The following CALCR variants were observed in gnomAD, a reference collection of about 807,000 sequenced individuals.
CALCR encodes calcitonin receptor.
CALCR carries 47 observed loss-of-function variants against 59.5 expected under a neutral mutation model. The observed-to-expected ratio is 0.79, with a 90% CI of 0.63 to 1.01. CALCR has a LOEUF of 1.01. CALCR is among the 50% of genes least tolerant of loss of function. CALCR has a pLI of 0.00. For missense variants in CALCR, 566 were observed against 597.1 expected (o/e 0.95, Z 0.54); for synonymous variants, 213 against 211.3 (o/e 1.01, Z -0.07).
chr7:93,564,258 G>T (rs751472053), intron 2 of CALCR, among the ~76,000 whole-genome samples: 2 of 152,082 alleles, frequency 1.3e-5, no homozygotes, highest in African/African-American at 2.4e-5. Context: ...TGTGGGGGGG[G>T]ACAGAGTGCT....
At chr7:93,565,775 AAC>A (rs1385025087) in intron 2 of CALCR, among the ~76,000 whole-genome samples, 1 of 152,202 alleles carries the variant, frequency 6.6e-6, no homozygotes, top group Non-Finnish European at 1.5e-5. Context: ...CTGTGCCATG[AAC>A]TTCTGTGAAT....
chr7:93,508,962 C>T (rs956551642), intron 2 of CALCR, among the ~76,000 whole-genome samples: 2 of 152,204 alleles, frequency 1.3e-5, no homozygotes, highest in Admixed American at 6.5e-5. Context: ...TTTCTCTTTC[C>T]TACTCCCGCA....
intron 2 of CALCR, among the ~76,000 whole-genome samples, chr7:93,504,541 G>A (rs7789653): frequency 0.13 from 19,137 of 151,926 alleles, 2,599 homozygotes; most frequent in African/African-American, 0.33. Flanking sequence ...GCCATCTTGG[G>A]AAGACATTCA....
chr7:93,443,710 G>T lies in CALCR; in HGVS notation c.696C>A (p.Cys232Ter). The T allele has an allele frequency of 6.2e-7, 1 of 1,612,822 alleles. No individual in the cohort carries two copies. The highest frequency in any genetic ancestry group is 8.5e-7 in the Non-Finnish European group (1 of 1,178,976). Residue 232 changes from cysteine (C) to a stop codon, truncating the protein, a stop_gained, in exon 9 of 14, where the codon TGC becomes TGA. Coordinates refer to ENST00000426151, the MANE Select transcript of CALCR (RefSeq NM_001742.4). LOFTEE classifies it high-confidence loss of function. ...CTTCACAGAGCATCCAGAAATAGTT[G>T]CAGGCCATCATGTACTGGTGGAAAA... Reference protein sequence around the residue: ...LHFFHQYMMACNYFWMLCEGI... With the variant: ...LHFFHQYMMA
At chr7:93,453,529 G>T (rs1026926050) in intron 8 of CALCR, among the ~76,000 whole-genome samples, 3 of 151,992 alleles carry the variant, frequency 2.0e-5, no homozygotes, top group African/African-American at 7.2e-5. Flanking sequence ...AACGGAGTGT[G>T]CAAACCTCTA....
intron 12 of CALCR, among the ~76,000 whole-genome samples, chr7:93,434,702 C>T (rs1411989630): frequency 6.6e-6 from 1 of 152,016 alleles, no homozygotes; most frequent in Non-Finnish European, 1.5e-5. Context: ...GGGTCTGTGT[C>T]CTATGTTGTC....
At position 93,468,752 on chromosome 7, in the gene CALCR, T is replaced by C. The variant is rs1413445329; in HGVS notation, c.484A>G (p.Thr162Ala). The change falls in exon 7 of 14, where the codon ACC becomes GCC. Residue 162 changes from threonine to alanine, a missense_variant. Transcript: ENST00000426151. ...AIVGHSLSIF[T>A]LVISLGIFVF... ...AAAATCCCCAGGGAAATCACTAGGG[T>C]GAAAATTGACAAAGAATGACCCACA... 1 of 1,610,560 alleles carries C rather than the reference T, an allele frequency of 6.2e-7. No individual in the cohort carries two copies. The highest frequency in any genetic ancestry group is 8.5e-7 in the Non-Finnish European group (1 of 1,178,100).
chr7:93,460,388 T>C (rs1000228740), intron 8 of CALCR, among the ~76,000 whole-genome samples: 1 of 151,098 alleles, frequency 6.6e-6, no homozygotes, highest in Non-Finnish European at 1.5e-5. Context: ...ACCCCGTTTC[T>C]ACTAAAAATA....
chr7:93,557,315 T>C (rs1421941315), intron 2 of CALCR, among the ~76,000 whole-genome samples: 1 of 151,762 alleles, frequency 6.6e-6, no homozygotes, highest in Non-Finnish European at 1.5e-5. Context: ...ATATTTATGG[T>C]ATGCAACTTT....
At chr7:93,515,175 T>G (rs370982713) in intron 2 of CALCR, among the ~76,000 whole-genome samples, 2 of 152,186 alleles carry the variant, frequency 1.3e-5, no homozygotes, top group African/African-American at 4.8e-5. Flanking sequence ...AATCACTTTC[T>G]TTCAAGCCTT....
At chr7:93,519,390 TTAG>T (rs991556663) in intron 2 of CALCR, among the ~76,000 whole-genome samples, 3 of 152,056 alleles carry the variant, frequency 2.0e-5, no homozygotes, top group African/African-American at 7.2e-5. Context: ...CTCTCATTTA[TTAG>T]TAGGGTGACC....
intron 9 of CALCR, among the ~76,000 whole-genome samples, chr7:93,438,641 G>T (rs938983908): frequency 6.6e-6 from 1 of 152,190 alleles, no homozygotes; most frequent in African/African-American, 2.4e-5. Context: ...GAGAGGAGCT[G>T]GGTCACCCCG....
At chr7:93,460,977 C>T in intron 7 of CALCR, 30 bp from the exon 8 acceptor site, 1 of 1,573,516 alleles carries the variant, frequency 6.4e-7, no homozygotes, top group East Asian at 2.3e-5. Context: ...AAAGCATTAA[C>T]CAGTGCCAAA....
At chr7:93,480,874 T>C (rs1800780409) in intron 3 of CALCR, among the ~76,000 whole-genome samples, 1 of 151,750 alleles carries the variant, frequency 6.6e-6, no homozygotes, top group South Asian at 2.1e-4. Flanking sequence ...AGTCTGGAGG[T>C]TGGAAATGAC....
chr7:93,453,196 A>G (rs1301423574), intron 8 of CALCR, among the ~76,000 whole-genome samples: 1 of 152,072 alleles, frequency 6.6e-6, no homozygotes, highest in African/African-American at 2.4e-5. Flanking sequence ...AACAACGATA[A>G]TACAAATAAT....
At chr7:93,533,109 T>C (rs1363765698) in intron 2 of CALCR, among the ~76,000 whole-genome samples, 1 of 151,928 alleles carries the variant, frequency 6.6e-6, no homozygotes, top group East Asian at 1.9e-4. Context: ...AATTGAAAAA[T>C]ACTCTAATAA....
chr7:93,501,952 T>C (rs894995189), intron 2 of CALCR, among the ~76,000 whole-genome samples: 11 of 152,088 alleles, frequency 7.2e-5, no homozygotes, highest in Non-Finnish European at 1.6e-4. Flanking sequence ...GAAACAGAGC[T>C]CCAATCTTGT....
chr7:93,439,373 G>T (rs1367880056), intron 9 of CALCR, among the ~76,000 whole-genome samples: 1 of 152,044 alleles, frequency 6.6e-6, no homozygotes, highest in East Asian at 1.9e-4. Context: ...TTTCCCACTT[G>T]GGCTCAGAAA....
chr7:93,519,114 G>C (rs1801706042), intron 2 of CALCR, among the ~76,000 whole-genome samples: 1 of 151,780 alleles, frequency 6.6e-6, no homozygotes, highest in African/African-American at 2.4e-5. Context: ...TTATATGAAG[G>C]CTTTTTTAAA....
Sources: allele counts gnomAD v4.1 joint callset (sites outside exome capture counted in the v4.1 genomes callset), GRCh38; gene constraint gnomAD v4.1.1; transcripts MANE v1.5; gene names NCBI Gene and HGNC (gene_info 2026-07-23, HGNC 2026-07-21).